The following F13A1 variants were observed in gnomAD, a reference collection of about 807,000 sequenced individuals.
F13A1 encodes the protein coagulation factor XIII A chain, also known as FSF, A subunit.
F13A1 carries 47 observed loss-of-function variants against 80.1 expected under a neutral mutation model. The ratio of observed to expected loss-of-function variants is 0.59; its 90% CI spans 0.46 to 0.75. F13A1 has a LOEUF of 0.75. F13A1 is among the 30% of genes least tolerant of loss of function. The pLI is 0.00. For synonymous variants in F13A1, 349 were observed against 344.9 expected (o/e 1.01, Z -0.13); for missense variants, 817 against 930.4 (o/e 0.88, Z 1.59).
chr6:6,179,344 C>T (rs548680297), intron 11 of F13A1, among the ~76,000 whole-genome samples: 3 of 152,226 alleles, frequency 2.0e-5, no homozygotes, highest in African/African-American at 7.2e-5. Context: ...TTGAAGTGAA[C>T]CTGATCTTTC....
chr6:6,306,140 G>A (rs1248074069), intron 2 of F13A1, among the ~76,000 whole-genome samples: 2 of 152,182 alleles, frequency 1.3e-5, no homozygotes, highest in Non-Finnish European at 2.9e-5. Context: ...GAGGGAGCAG[G>A]TCTGGAGAAA....
intron 10 of F13A1, among the ~76,000 whole-genome samples, chr6:6,186,463 C>T (rs1404105285): frequency 1.3e-5 from 2 of 152,150 alleles, no homozygotes. Flanking sequence ...TTCCCAGCAC[C>T]ATTTATTAAA....
At chr6:6,224,990 C>T (rs1583081034) in intron 6 of F13A1, 130 bp from the exon 7 acceptor site, 9 of 965,398 alleles carry the variant, frequency 9.3e-6, no homozygotes, top group Admixed American at 2.0e-5. Context: ...AGTTCCACTT[C>T]TGTTCGGTTT....
chr6:6,190,024 G>A (rs1761157588), intron 10 of F13A1, among the ~76,000 whole-genome samples: 3 of 152,112 alleles, frequency 2.0e-5, no homozygotes, highest in Admixed American at 1.3e-4. Flanking sequence ...ATCGGCTCCT[G>A]AGGCTTCTGC....
intron 14 of F13A1, among the ~76,000 whole-genome samples, chr6:6,147,726 C>T (rs1013922035): frequency 6.6e-6 from 1 of 152,210 alleles, no homozygotes; most frequent in Non-Finnish European, 1.5e-5. Context: ...TTTTCTCTTA[C>T]TCATAAAACC....
chr6:6,166,749 T>C (rs1212113242), intron 13 of F13A1, among the ~76,000 whole-genome samples: 1 of 152,206 alleles, frequency 6.6e-6, no homozygotes, highest in African/African-American at 2.4e-5. Flanking sequence ...GGCCTTCCTC[T>C]GCCAAGTCTC....
chr6:6,202,070 A>T (rs9379017), intron 8 of F13A1, among the ~76,000 whole-genome samples: 6 of 151,528 alleles, frequency 4.0e-5, no homozygotes, highest in African/African-American at 1.2e-4. Flanking sequence ...TAACATATCG[A>T]TTACCTCCCA....
intron 2 of F13A1, among the ~76,000 whole-genome samples, chr6:6,312,806 AAAT>A (rs1455368741): frequency 1.3e-5 from 2 of 152,172 alleles, no homozygotes; most frequent in Admixed American, 6.5e-5. Flanking sequence ...GAGTTTAAAG[AAAT>A]AATGTTCCAG....
chr6:6,201,181 A>G (rs1761387486), intron 8 of F13A1, among the ~76,000 whole-genome samples: 2 of 152,228 alleles, frequency 1.3e-5, no homozygotes, highest in Admixed American at 1.3e-4. Context: ...CAAGATAAAT[A>G]TGCTTTGCAC....
intron 6 of F13A1, among the ~76,000 whole-genome samples, chr6:6,237,233 C>A (rs1561664213): frequency 6.6e-6 from 1 of 152,054 alleles, no homozygotes; most frequent in Non-Finnish European, 1.5e-5. Flanking sequence ...CGCCATTTGC[C>A]AAGTTATGTT....
intron 10 of F13A1, among the ~76,000 whole-genome samples, chr6:6,191,096 G>A (rs920706158): frequency 1.1e-4 from 17 of 152,162 alleles, no homozygotes; most frequent in East Asian, 1.9e-4. Flanking sequence ...CGCACGGTGC[G>A]TGCACCCACT....
chr6:6,318,538 G>T lies in F13A1; in HGVS notation c.127C>A (p.Gln43Lys). 2.5e-6 allele frequency: 4 copies of T among 1,613,414 alleles called. No homozygotes were observed. The highest frequency in any genetic ancestry group is 3.4e-6 in the Non-Finnish European group (4 of 1,179,770). ...GGGAAGGGGGGTATGCTCATACCTT[G>T]CAGGTTGACGCCCCGGGGCACCACG... Reference protein sequence around the residue: ...QGVVPRGVNLQEFLNVTSVHL... With the variant: ...QGVVPRGVNLKEFLNVTSVHL... The change falls in exon 2 of 15, where the codon CAA (glutamine) becomes AAA (lysine). Residue 43 changes from glutamine to lysine, a missense_variant. Coordinates refer to ENST00000264870, the MANE Select transcript of F13A1 (RefSeq NM_000129.4).
intron 12 of F13A1, 71 bp from the exon 13 acceptor site, chr6:6,167,689 T>C: frequency 6.4e-7 from 1 of 1,559,352 alleles, no homozygotes; most frequent in South Asian, 1.2e-5. Context: ...TTTCTCCAAG[T>C]TTCCCTACCC....
chr6:6,261,316 G>A (rs1312685678), intron 4 of F13A1, among the ~76,000 whole-genome samples: 1 of 152,076 alleles, frequency 6.6e-6, no homozygotes, highest in African/African-American at 2.4e-5. Flanking sequence ...TTTCTTCTTA[G>A]AGACAGGCTG....
chr6:6,268,256 A>G (rs1410515767), intron 3 of F13A1, among the ~76,000 whole-genome samples: 1 of 152,238 alleles, frequency 6.6e-6, no homozygotes, highest in Non-Finnish European at 1.5e-5. Context: ...AAAAAGCCAA[A>G]GCATGTGGCT....
At chr6:6,187,930 C>T (rs1178410173) in intron 10 of F13A1, among the ~76,000 whole-genome samples, 3 of 147,892 alleles carry the variant, frequency 2.0e-5, no homozygotes, top group African/African-American at 7.4e-5. Flanking sequence ...AGAGATTCAA[C>T]TTCTTCCTGG....
At chr6:6,149,337 G>C (rs6921670) in intron 14 of F13A1, among the ~76,000 whole-genome samples, 37,139 of 152,078 alleles carry the variant, frequency 0.24, 4,806 homozygotes, top group African/African-American at 0.32. Flanking sequence ...TAAATATGTA[G>C]AATTACAATG....
In F13A1 at chr6:6,305,413, T is replaced by A; in HGVS notation, c.257A>T (p.Gln86Leu). ...IVRRGQSFYV[Q>L]IDFSRPYDPR... ...GTCATATGGACGACTGAAGTCAATC[T>A]GCACATAGAAAGACTGCCCTCTGCG... The change falls in exon 3 of 15, where the codon CAG becomes CTG. Residue 86 changes from glutamine (Q) to leucine (L), a missense_variant. Coordinates refer to ENST00000264870, the MANE Select transcript of F13A1 (RefSeq NM_000129.4). 6.2e-7 allele frequency: 1 copy of A among 1,614,254 alleles called. No individual in the cohort carries two copies. Among genetic ancestry groups the A allele is most frequent in the Non-Finnish European group, 8.5e-7 (1 of 1,180,050 alleles).
chr6:6,151,756 G>A (rs529431977), intron 14 of F13A1, 57 bp downstream of exon 14: 1 of 1,610,616 alleles, frequency 6.2e-7, no homozygotes, highest in African/African-American at 1.3e-5. Flanking sequence ...GACACACACA[G>A]AGAAAGCTTC....
Sources: gnomAD v4.1 joint callset for allele counts (sites outside exome capture counted in the v4.1 genomes callset) on GRCh38, gnomAD v4.1.1 for gene constraint, MANE v1.5 for transcripts, NCBI Gene and HGNC (gene_info 2026-07-23, HGNC 2026-07-21) for gene names.